Variants in CTNNA2 observed in about 807,000 individuals in gnomAD.
CTNNA2 encodes catenin alpha-2.
Under a neutral mutation model 101.0 loss-of-function variants are expected in CTNNA2, and 42 were observed. The observed-to-expected ratio is 0.42, with a 90% CI of 0.32 to 0.54. CTNNA2 has a LOEUF of 0.54. CTNNA2 is among the 20% of genes least tolerant of loss of function. The pLI is 0.14. For missense variants in CTNNA2, 871 were observed against 1,223.1 expected (o/e 0.71, Z 4.29); for synonymous variants, 450 against 456.4 (o/e 0.99, Z 0.18).
At chr2:79,863,023 T>A (rs76485747) in intron 4 of CTNNA2, among the ~76,000 whole-genome samples, 3,014 of 152,280 alleles carry the variant, frequency 0.02, 103 homozygotes, top group African/African-American at 0.068. Flanking sequence ...CTGTTCTCTG[T>A]AGCCCCTGAT....
At chr2:79,990,485 A>G (rs1047010573) in intron 7 of CTNNA2, among the ~76,000 whole-genome samples, 1 of 152,156 alleles carries the variant, frequency 6.6e-6, no homozygotes, top group African/African-American at 2.4e-5. Context: ...CAGACAATAG[A>G]TGCTCAAAAT....
chr2:79,729,343 T>C (rs1404016542), intron 2 of CTNNA2, among the ~76,000 whole-genome samples: 2 of 152,104 alleles, frequency 1.3e-5, no homozygotes, highest in African/African-American at 4.8e-5. Flanking sequence ...TTAAGGTGTA[T>C]ATTATTGTCT....
chr2:80,500,177 A>G (rs552838208), intron 9 of CTNNA2, among the ~76,000 whole-genome samples: 2 of 152,332 alleles, frequency 1.3e-5, no homozygotes, highest in Admixed American at 6.5e-5. Context: ...ACTTTTTAAT[A>G]TATAAAAAAG....
intron 7 of CTNNA2, among the ~76,000 whole-genome samples, chr2:80,319,988 A>G (rs550863782): frequency 6.9e-4 from 105 of 152,326 alleles, no homozygotes; most frequent in African/African-American, 2.5e-3. Flanking sequence ...TTATAAAGTA[A>G]TAATAAGAAT....
chr2:79,944,581 C>CA (rs1688370227), intron 7 of CTNNA2, among the ~76,000 whole-genome samples: 1 of 152,094 alleles, frequency 6.6e-6, no homozygotes, highest in Admixed American at 6.6e-5. Context: ...AAGTACAGTG[C>CA]AGTGTGGAGC....
intron 3 of CTNNA2, among the ~76,000 whole-genome samples, chr2:79,782,170 AAATT>A (rs538202930): frequency 9.0e-4 from 137 of 152,294 alleles, no homozygotes; most frequent in African/African-American, 3.0e-3. Flanking sequence ...TATAAAATGA[AAATT>A]AATAAGCAAA....
chr2:79,330,528 A>C (rs1676847511), intron 3 of CTNNA2, among the ~76,000 whole-genome samples: 1 of 152,122 alleles, frequency 6.6e-6, no homozygotes, highest in Admixed American at 6.5e-5. Context: ...GGTAACAAGA[A>C]AAAGCCACCC....
chr2:79,235,522 C>T (rs949491886), intron 2 of CTNNA2, among the ~76,000 whole-genome samples: 2 of 152,028 alleles, frequency 1.3e-5, no homozygotes, highest in Admixed American at 6.6e-5. Context: ...TTGTTAGGTG[C>T]TCTAATCCAC....
At chr2:80,395,084 C>T (rs1282005693) in intron 8 of CTNNA2, among the ~76,000 whole-genome samples, 4 of 152,000 alleles carry the variant, frequency 2.6e-5, no homozygotes, top group African/African-American at 9.7e-5. Context: ...AATTTTTACT[C>T]TTATGTTACA....
At chr2:79,927,754 T>C (rs1370887355) in intron 7 of CTNNA2, among the ~76,000 whole-genome samples, 1 of 152,200 alleles carries the variant, frequency 6.6e-6, no homozygotes, top group Admixed American at 6.5e-5. Flanking sequence ...TGTTGCTTAT[T>C]GTATTCACAC....
chr2:79,473,972 G>C (rs1017588879), intron 4 of CTNNA2, among the ~76,000 whole-genome samples: 4 of 152,144 alleles, frequency 2.6e-5, no homozygotes, highest in African/African-American at 9.6e-5. Flanking sequence ...CACTTGAGAT[G>C]TGTCAAGTAT....
intron 7 of CTNNA2, among the ~76,000 whole-genome samples, chr2:80,014,087 A>C (rs1217197024): frequency 6.6e-6 from 1 of 152,236 alleles, no homozygotes; most frequent in Non-Finnish European, 1.5e-5. Context: ...TTATCAAGTT[A>C]TATATCTACA....
chr2:80,440,951 C>T (rs1481885433), intron 9 of CTNNA2, among the ~76,000 whole-genome samples: 2 of 152,124 alleles, frequency 1.3e-5, no homozygotes, highest in East Asian at 1.9e-4. Context: ...GGTTTCTCTC[C>T]ACCATCCTCT....
At chr2:80,421,140 G>A (rs545381061) in intron 9 of CTNNA2, among the ~76,000 whole-genome samples, 15 of 152,126 alleles carry the variant, frequency 9.9e-5, no homozygotes, top group African/African-American at 2.2e-4. Flanking sequence ...CAGAAGGAAG[G>A]GAAGAAAGAG....
At chr2:79,565,644 G>C (rs868033884) in intron 1 of CTNNA2, among the ~76,000 whole-genome samples, 1 of 152,160 alleles carries the variant, frequency 6.6e-6, no homozygotes. Context: ...CTAGTGGTAA[G>C]TGAAAAGAAG....
chr2:80,626,078 GAC>G (rs1162362266), intron 18 of CTNNA2, among the ~76,000 whole-genome samples: 1 of 151,918 alleles, frequency 6.6e-6, no homozygotes, highest in African/African-American at 2.4e-5. Context: ...CAAAGGTTAT[GAC>G]ACACAAATTG....
At chr2:80,064,542 T>G (rs1697839971) in intron 7 of CTNNA2, among the ~76,000 whole-genome samples, 1 of 152,218 alleles carries the variant, frequency 6.6e-6, no homozygotes, top group Admixed American at 6.5e-5. Context: ...AGCTTGCTCT[T>G]GAAGCTCCAA....
chr2:79,877,631 CAA>C (rs1683125828), intron 6 of CTNNA2, among the ~76,000 whole-genome samples: 1 of 152,070 alleles, frequency 6.6e-6, no homozygotes, highest in African/African-American at 2.4e-5. Context: ...AGATATTAAA[CAA>C]ATTGATATTT....
At chr2:80,099,618 A>T (rs902785338) in intron 7 of CTNNA2, among the ~76,000 whole-genome samples, 2 of 152,146 alleles carry the variant, frequency 1.3e-5, no homozygotes, top group African/African-American at 4.8e-5. Flanking sequence ...AGAAGTTCCA[A>T]TGTGGTGTGT....
Sources: gnomAD v4.1 joint callset for allele counts (sites outside exome capture counted in the v4.1 genomes callset) on GRCh38, gnomAD v4.1.1 for gene constraint, MANE v1.5 for transcripts, NCBI Gene and HGNC (gene_info 2026-07-23, HGNC 2026-07-21) for gene names.